Variants in CDH9 observed in about 807,000 individuals in gnomAD.
CDH9 encodes the protein cadherin-9.
In CDH9, 28 loss-of-function variants were observed where a neutral mutation model predicts 70.9. That is an observed-to-expected ratio of 0.40 (90% CI 0.29 to 0.54). The LOEUF (loss-of-function observed/expected upper bound fraction) is 0.54, where lower values mean the gene tolerates loss of function less well. CDH9 is among the 20% of genes least tolerant of loss of function. CDH9 has a pLI of 0.59. For synonymous variants in CDH9, 409 were observed against 343.1 expected (o/e 1.19, Z -2.12); for missense variants, 874 against 984.4 (o/e 0.89, Z 1.50).
intron 1 of CDH9, among the ~76,000 whole-genome samples, chr5:27,024,835 G>A (rs1229679906): frequency 2.6e-5 from 4 of 152,016 alleles, no homozygotes; most frequent in Non-Finnish European, 5.9e-5. Flanking sequence ...CTACTCTGTA[G>A]CTGAAAACAT....
At chr5:26,926,786 C>T (rs774987073) in intron 2 of CDH9, among the ~76,000 whole-genome samples, 12 of 151,784 alleles carry the variant, frequency 7.9e-5, no homozygotes, top group East Asian at 1.9e-4. Flanking sequence ...TCAGAAACAC[C>T]GCCACACATC....
At chr5:26,972,208 C>T (rs1742231713) in intron 2 of CDH9, among the ~76,000 whole-genome samples, 1 of 152,044 alleles carries the variant, frequency 6.6e-6, no homozygotes, top group Non-Finnish European at 1.5e-5. Context: ...TGTAATAAGA[C>T]CAGTTAGGGG....
intron 11 of CDH9, among the ~76,000 whole-genome samples, chr5:26,883,042 TA>T (rs1740494614): frequency 1.1e-4 from 1 of 8,774 alleles, no homozygotes; most frequent in African/African-American, 3.6e-4. Flanking sequence ...AGGATCATCT[TA>T]TATATATATA....
At chr5:26,931,422 C>T (rs1299731171) in intron 2 of CDH9, among the ~76,000 whole-genome samples, 2 of 152,020 alleles carry the variant, frequency 1.3e-5, no homozygotes, top group Admixed American at 6.6e-5. Context: ...ATTTTAACAA[C>T]TAATTTCAGA....
At chr5:27,027,482 A>G (rs189093943) in intron 1 of CDH9, among the ~76,000 whole-genome samples, 93 of 152,144 alleles carry the variant, frequency 6.1e-4, no homozygotes, top group African/African-American at 2.1e-3. Context: ...GAAGCCATCA[A>G]TTGTGTCTCC....
intron 2 of CDH9, among the ~76,000 whole-genome samples, chr5:26,920,829 A>C (rs1741231545): frequency 6.6e-6 from 1 of 152,172 alleles, no homozygotes; most frequent in Admixed American, 6.5e-5. Context: ...CTTCAGTGAC[A>C]AAGACACCAA....
chr5:26,982,529 T>C (rs1237308422), intron 2 of CDH9, among the ~76,000 whole-genome samples: 3 of 152,160 alleles, frequency 2.0e-5, no homozygotes, highest in South Asian at 2.1e-4. Context: ...TTTAAAATAG[T>C]AGCTAAATAT....
chr5:26,898,734 G>A (rs947851990), intron 7 of CDH9, among the ~76,000 whole-genome samples: 5 of 152,020 alleles, frequency 3.3e-5, no homozygotes, highest in African/African-American at 1.2e-4. Flanking sequence ...GAAAACCTAG[G>A]CAATACCATT....
chr5:26,883,042 T>TAGATAG (rs10536720), intron 11 of CDH9, among the ~76,000 whole-genome samples: 5 of 8,766 alleles, frequency 5.7e-4, no homozygotes, highest in East Asian at 9.2e-3. Context: ...AGGATCATCT[T>TAGATAG]ATATATATAT....
chr5:26,932,962 T>C (rs1410923563), intron 2 of CDH9, among the ~76,000 whole-genome samples: 1 of 135,982 alleles, frequency 7.4e-6, no homozygotes, highest in Non-Finnish European at 1.5e-5. Context: ...TAGAGTATTA[T>C]ATGTGTTACA....
intron 1 of CDH9, among the ~76,000 whole-genome samples, chr5:27,037,063 A>G (rs1167608173): frequency 6.6e-6 from 1 of 151,976 alleles, no homozygotes; most frequent in Non-Finnish European, 1.5e-5. Flanking sequence ...AATGTGGAAA[A>G]TAGGATTCTT....
At chr5:26,908,960 A>G (rs1035105833) in intron 3 of CDH9, among the ~76,000 whole-genome samples, 1 of 152,150 alleles carries the variant, frequency 6.6e-6, no homozygotes, top group Non-Finnish European at 1.5e-5. Flanking sequence ...AAAATTAAAT[A>G]GAAAATGGTT....
At chr5:26,903,031 TATC>T (rs1483537205) in intron 6 of CDH9, 14 of 237,514 alleles carry the variant, frequency 5.9e-5, no homozygotes, top group African/African-American at 2.8e-4. Flanking sequence ...CATTATGTAT[TATC>T]ATTATTAAAG....
intron 3 of CDH9, among the ~76,000 whole-genome samples, chr5:26,911,824 G>T (rs1741059184): frequency 6.6e-6 from 1 of 151,964 alleles, no homozygotes; most frequent in African/African-American, 2.4e-5. Context: ...TGAGTTTATT[G>T]GAGTCATTTT....
In CDH9 at chr5:27,009,497, A is replaced by G. The variant is rs1308299745; in HGVS notation, c.-49-21115T>C. Among the ~76,000 whole-genome samples, 5 of 152,202 alleles carry G rather than the reference A, an allele frequency of 3.3e-5. No individual in the cohort carries two copies. The East Asian group carries it at 5.8e-4, about 18-fold the overall frequency. ...GAGTTGAGAATTAGGCAGAAAAAGT[A>G]TTCAATTTTTCTGCTAAGAGGGGCT... On this transcript the variant is annotated intron_variant, in intron 1 of 11. Transcript: ENST00000231021.
intron 2 of CDH9, among the ~76,000 whole-genome samples, chr5:26,933,401 A>G (rs1301133624): frequency 2.0e-5 from 3 of 152,026 alleles, no homozygotes; most frequent in African/African-American, 4.8e-5. Context: ...TGAAATCGAC[A>G]ATGAGAGATC....
intron 1 of CDH9, among the ~76,000 whole-genome samples, chr5:27,010,997 C>T (rs1742946290): frequency 6.6e-6 from 1 of 152,054 alleles, no homozygotes; most frequent in African/African-American, 2.4e-5. Flanking sequence ...GAGAGGGAAC[C>T]TGGAAAATCT....
At chr5:26,900,954 T>C (rs895932043) in intron 7 of CDH9, among the ~76,000 whole-genome samples, 1 of 152,052 alleles carries the variant, frequency 6.6e-6, no homozygotes, top group Non-Finnish European at 1.5e-5. Context: ...TTTACACTCT[T>C]TTCTAATAAA....
intron 7 of CDH9, among the ~76,000 whole-genome samples, chr5:26,892,865 G>T (rs946656131): frequency 3.3e-5 from 5 of 151,992 alleles, no homozygotes; most frequent in African/African-American, 1.2e-4. Flanking sequence ...CGAGTAGCTG[G>T]AACTACAGGC....
Sources: allele counts gnomAD v4.1 joint callset (sites outside exome capture counted in the v4.1 genomes callset), GRCh38; gene constraint gnomAD v4.1.1; transcripts MANE v1.5; gene names NCBI Gene and HGNC (gene_info 2026-07-23, HGNC 2026-07-21).